KIAA0825: variants seen among roughly 807,000 people sequenced by gnomAD.
KIAA0825 encodes uncharacterized protein KIAA0825.
A neutral mutation model predicts 147.6 loss-of-function variants in KIAA0825; 119 were observed. That is an observed-to-expected ratio of 0.81 (90% CI 0.69 to 0.94). The LOEUF (loss-of-function observed/expected upper bound fraction) is 0.94, where lower values mean the gene tolerates loss of function less well. Among genes scored for constraint, KIAA0825 ranks in the 40% least tolerant of loss-of-function variants. The pLI, the probability that KIAA0825 is intolerant of heterozygous loss-of-function variation, is 0.00. For missense variants in KIAA0825, 1,381 were observed against 1,472.7 expected, an observed-to-expected ratio of 0.94 and a Z score of 1.02; for synonymous variants, 470 against 518.1, an observed-to-expected ratio of 0.91 and a Z score of 1.26.
At position 94,284,802 on chromosome 5, in the gene KIAA0825, C is replaced by G. The variant is rs539156619; in HGVS notation, c.3710+99566G>C. Among the ~76,000 whole-genome samples, 6 of 152,244 alleles carry G rather than the reference C, an allele frequency of 3.9e-5. 1 individual carries two copies. The South Asian group carries it at 1.0e-3, about 26-fold the overall frequency. On this transcript the variant is annotated intron_variant, in intron 20 of 20. Coordinates refer to ENST00000682413, the MANE Select transcript of KIAA0825 (RefSeq NM_001145678.3). Reference sequence around the variant, plus strand: ...CCCTCTGTGCAGCATCCTTTGATTGCCCATTCATCTTTCCACCTGTGCCGT... The same window carrying G: ...CCCTCTGTGCAGCATCCTTTGATTGGCCATTCATCTTTCCACCTGTGCCGT...
In KIAA0825 at chr5:94,393,025, T is replaced by C. The variant is rs187996980; in HGVS notation, c.3297-1331A>G. Among the ~76,000 whole-genome samples the C allele has an allele frequency of 1.4e-4, 21 of 152,132 alleles. No individual in the cohort carries two copies. In the East Asian group the frequency reaches 3.7e-3, roughly 27 times the overall value. On this transcript the variant is annotated intron_variant, in intron 17 of 20. Coordinates refer to ENST00000682413, the MANE Select transcript of KIAA0825 (RefSeq NM_001145678.3). ...TTGTCGGGTTTTGTAGAGGCTGACA[T>C]TGAAAAAGTTGAGGCCTTTTAAACA...
At chr5:94,450,674 C>T (rs1395884257) in intron 13 of KIAA0825, among the ~76,000 whole-genome samples, 1 of 152,022 alleles carries the variant, frequency 6.6e-6, no homozygotes, top group Admixed American at 6.6e-5. Flanking sequence ...ACCCCACCAC[C>T]CAACACAGTT....
At chr5:94,447,714 T>C (rs1757913690) in intron 13 of KIAA0825, among the ~76,000 whole-genome samples, 1 of 152,108 alleles carries the variant, frequency 6.6e-6, no homozygotes, top group African/African-American at 2.4e-5. Flanking sequence ...AATATGAATA[T>C]AATGAAACCA....
chr5:94,444,916 T>C (rs1341760300), intron 13 of KIAA0825, among the ~76,000 whole-genome samples: 1 of 152,086 alleles, frequency 6.6e-6, no homozygotes, highest in Non-Finnish European at 1.5e-5. Context: ...GACTGGGTAA[T>C]TTATAAAGAG....
chr5:94,465,779 A>T (rs1229230734), intron 10 of KIAA0825, among the ~76,000 whole-genome samples: 1 of 152,208 alleles, frequency 6.6e-6, no homozygotes, highest in Non-Finnish European at 1.5e-5. Flanking sequence ...CCCTGTACAG[A>T]TCTCTTCTGT....
chr5:94,271,394 A>G (rs766093453), intron 20 of KIAA0825, among the ~76,000 whole-genome samples: 15 of 152,184 alleles, frequency 9.9e-5, no homozygotes, highest in Non-Finnish European at 1.9e-4. Context: ...CAGAATATAT[A>G]AGGAGCTCAA....
chr5:94,611,791 T>TA (rs1302806481), intron 1 of KIAA0825: 1 of 151,376 alleles, frequency 6.6e-6, no homozygotes, highest in Non-Finnish European at 1.5e-5. Flanking sequence ...ACAAAAAAAT[T>TA]AAAAAATTTT....
intron 20 of KIAA0825, among the ~76,000 whole-genome samples, chr5:94,245,575 T>C (rs1775562488): frequency 6.6e-6 from 1 of 152,192 alleles, no homozygotes; most frequent in Admixed American, 6.5e-5. Flanking sequence ...GACCAAGTTC[T>C]AGGCCATTTA....
At chr5:94,268,698 G>A (rs1289912718) in intron 20 of KIAA0825, among the ~76,000 whole-genome samples, 1 of 152,158 alleles carries the variant, frequency 6.6e-6, no homozygotes, top group Non-Finnish European at 1.5e-5. Flanking sequence ...TGCACAGATA[G>A]ACATCAGGAG....
At chr5:94,552,721 A>G (rs1212837774) in intron 2 of KIAA0825, among the ~76,000 whole-genome samples, 1 of 152,256 alleles carries the variant, frequency 6.6e-6, no homozygotes, top group East Asian at 1.9e-4. Context: ...ACATGGCAAC[A>G]TGGATGAGTC....
chr5:94,164,535 C>T (rs989842122), intron 20 of KIAA0825, among the ~76,000 whole-genome samples: 2 of 151,922 alleles, frequency 1.3e-5, no homozygotes, highest in Non-Finnish European at 2.9e-5. Context: ...CCTTAGTTTC[C>T]TGAGTAGCTG....
intron 6 of KIAA0825, among the ~76,000 whole-genome samples, chr5:94,481,085 TATTATC>T (rs1762447757): frequency 6.6e-6 from 1 of 152,212 alleles, no homozygotes; most frequent in South Asian, 2.1e-4. Context: ...TCTATACACT[TATTATC>T]ATTGTCTAGA....
At chr5:94,464,270 A>G (rs768578593) in intron 11 of KIAA0825, among the ~76,000 whole-genome samples, 4 of 152,038 alleles carry the variant, frequency 2.6e-5, no homozygotes, top group Admixed American at 1.3e-4. Flanking sequence ...AACTCATAGA[A>G]TTGTACTAGA....
chr5:94,224,993 T>C (rs1032626931), intron 20 of KIAA0825, among the ~76,000 whole-genome samples: 1 of 152,210 alleles, frequency 6.6e-6, no homozygotes, highest in Non-Finnish European at 1.5e-5. Flanking sequence ...CTATTCTGAT[T>C]GTCATAAGAG....
intron 20 of KIAA0825, among the ~76,000 whole-genome samples, chr5:94,190,426 C>T (rs375414672): frequency 1.1e-3 from 162 of 151,848 alleles, no homozygotes; most frequent in East Asian, 4.3e-3. Context: ...CCTGGATTCA[C>T]GCCATTCTCC....
rs188029432 is a variant in KIAA0825, at chr5:94,459,198, C to T, written c.2246+3189G>A. On this transcript the variant is annotated intron_variant, in intron 12 of 20. Transcript: ENST00000682413. ...ATAATATTCCACTGTATGGATATGCCACATTTTATGTATCCATTCACTAGT... is the reference window on the plus strand; with the variant it reads ...ATAATATTCCACTGTATGGATATGCTACATTTTATGTATCCATTCACTAGT... 2.9e-3 allele frequency among the ~76,000 whole-genome samples: 448 copies of T among 152,134 alleles called. 1 individual carries two copies. The highest frequency in any genetic ancestry group is 9.3e-3 in the African/African-American group (387 of 41,514).
At chr5:94,303,835 G>T (rs1444525533) in intron 20 of KIAA0825, among the ~76,000 whole-genome samples, 1 of 152,034 alleles carries the variant, frequency 6.6e-6, no homozygotes, top group Non-Finnish European at 1.5e-5. Context: ...TCGAACAGGA[G>T]TTCCCAAGGT....
At chr5:94,168,931 C>T (rs1768328827) in intron 20 of KIAA0825, among the ~76,000 whole-genome samples, 1 of 152,150 alleles carries the variant, frequency 6.6e-6, no homozygotes, top group Admixed American at 6.5e-5. Flanking sequence ...GATACTTAAA[C>T]TGTGTCAAGC....
At chr5:94,217,729 C>T (rs1583880962) in intron 20 of KIAA0825, among the ~76,000 whole-genome samples, 1 of 151,928 alleles carries the variant, frequency 6.6e-6, no homozygotes, top group East Asian at 1.9e-4. Context: ...AAAAGGGACA[C>T]ACAAATAATA....
Sources: gnomAD v4.1 joint callset for allele counts (sites outside exome capture counted in the v4.1 genomes callset) on GRCh38, gnomAD v4.1.1 for gene constraint, MANE v1.5 for transcripts, NCBI Gene and HGNC (gene_info 2026-07-23, HGNC 2026-07-21) for gene names.